The following BRD4 variants were observed in gnomAD, a reference collection of about 807,000 sequenced individuals.
BRD4 encodes bromodomain containing 4, also known as bromodomain-containing protein 4.
BRD4 carries 16 observed loss-of-function variants against 142.1 expected under a neutral mutation model. The observed-to-expected ratio is 0.11, with a 90% CI of 0.08 to 0.17. BRD4 has a LOEUF of 0.17. Among genes scored for constraint, BRD4 ranks in the 10% least tolerant of loss-of-function variants. The pLI is 1.00. For missense variants in BRD4, 1,424 were observed against 1,810.9 expected (o/e 0.79, Z 3.88); for synonymous variants, 833 against 707.5 (o/e 1.18, Z -2.82).
intron 1 of BRD4, among the ~76,000 whole-genome samples, chr19:15,277,776 C>A (rs2047663298): frequency 6.6e-6 from 1 of 151,222 alleles, no homozygotes; most frequent in Non-Finnish European, 1.5e-5. Flanking sequence ...GGCAACACAG[C>A]AAGACTCCGT....
At chr19:15,251,791 TCACTCAGTG>T (rs1341943633) in intron 11 of BRD4, among the ~76,000 whole-genome samples, 3 of 152,070 alleles carry the variant, frequency 2.0e-5, no homozygotes, top group Non-Finnish European at 2.9e-5. Context: ...ACGACAGAGC[TCACTCAGTG>T]CACACAGAAG....
At position 15,237,499 on chromosome 19, in the gene BRD4, C is replaced by T. The variant is rs199726418; in HGVS notation, c.*878G>A. 2.2e-5 allele frequency: 5 copies of T among 225,838 alleles called. No individual in the cohort carries two copies. Among genetic ancestry groups the T allele is most frequent in the African/African-American group, 6.7e-5 (3 of 44,676 alleles). The allele number at this position is 225,838 out of a possible 1,614,324, so 14.0% of individuals were successfully genotyped here. ...AGCCACGGTCACACACTACCCACAG[C>T]GCGGTGGCAGCCGCTGCTCAATGAG... On this transcript the variant is annotated 3_prime_UTR_variant, in exon 20 of 20. Coordinates refer to ENST00000679869, the MANE Select transcript of BRD4 (RefSeq NM_001379291.1).
intron 11 of BRD4, among the ~76,000 whole-genome samples, chr19:15,251,657 T>C (rs1411385480): frequency 2.0e-5 from 3 of 152,174 alleles, no homozygotes; most frequent in Non-Finnish European, 4.4e-5. Flanking sequence ...TGCAGAGTCC[T>C]GTGCGGGACA....
chr19:15,272,743 C>A lies in BRD4; in HGVS notation c.285+72G>T. On this transcript the variant is annotated intron_variant, in intron 2 of 19. Transcript: ENST00000679869. ...GCATCTCCTACCCTCCCCCCAGGAA[C>A]TGCCCTGACCAGGAGACATGCAGGA... 7 of 1,447,776 alleles carry A rather than the reference C, an allele frequency of 4.8e-6. No individual in the cohort carries two copies. In the South Asian group the frequency reaches 7.7e-5, roughly 16 times the overall value. 89.7% of individuals were successfully genotyped at this position (1,447,776 alleles called of 1,614,324 possible). A position where few individuals can be genotyped will look rare whatever the true frequency, so the allele number is the denominator to read the frequency against.
At chr19:15,287,008 A>T (rs1388457184) in intron 1 of BRD4, among the ~76,000 whole-genome samples, 1 of 152,194 alleles carries the variant, frequency 6.6e-6, no homozygotes, top group East Asian at 1.9e-4. Flanking sequence ...GACCCCAGTC[A>T]GTTTCCACAC....
chr19:15,243,148 G>GGCTGCTGCTGCAGCT lies in BRD4; in HGVS notation c.2906_2920dup (p.Gln969_Gln973dup). ...GGGCTGGGGTGGTGGGGGTGGTGGC[G>GGCTGCTGCTGCAGCT]GCTGCTGCTGCAGCTGCTGCTGCAC... On this transcript the variant is annotated inframe_insertion, in exon 14 of 20. Coordinates refer to ENST00000679869, the MANE Select transcript of BRD4 (RefSeq NM_001379291.1). The GGCTGCTGCTGCAGCT allele has an allele frequency of 8.9e-7, 1 of 1,117,954 alleles. No homozygotes were observed. The allele number at this position is 1,117,954 out of a possible 1,614,324, so 69.3% of individuals were successfully genotyped here. A position where few individuals can be genotyped will look rare whatever the true frequency, so the allele number is the denominator to read the frequency against.
intron 1 of BRD4, among the ~76,000 whole-genome samples, chr19:15,313,600 C>T (rs535021917): frequency 2.0e-5 from 3 of 151,242 alleles, no homozygotes; most frequent in South Asian, 4.2e-4. Flanking sequence ...TGCTTGAACC[C>T]GGCAGGCGGA....
At position 15,242,884 on chromosome 19, in the gene BRD4, G is replaced by A. The variant is rs1281548000; in HGVS notation, c.3169+16C>T. On this transcript the variant is annotated intron_variant, in intron 14 of 19. Coordinates refer to ENST00000679869, the MANE Select transcript of BRD4 (RefSeq NM_001379291.1). The stretch of plus-strand genomic sequence containing the variant: ...AGCACCAGCCTCCCCAGAGTCTACG[G>A]GTGAGGACCACTTACCGGTTGAGTA... 7.5e-6 allele frequency: 12 copies of A among 1,599,180 alleles called. No homozygotes were observed. Among genetic ancestry groups the A allele is most frequent in the Non-Finnish European group, 9.4e-6 (11 of 1,173,464 alleles).
At chr19:15,303,389 ATT>A (rs1196694305) in intron 1 of BRD4, among the ~76,000 whole-genome samples, 1 of 152,054 alleles carries the variant, frequency 6.6e-6, no homozygotes, top group Non-Finnish European at 1.5e-5. Flanking sequence ...TAGTAAAACT[ATT>A]TGCCTATGCG....
At chr19:15,289,339 G>A (rs1447947295) in intron 1 of BRD4, among the ~76,000 whole-genome samples, 2 of 152,180 alleles carry the variant, frequency 1.3e-5, no homozygotes, top group African/African-American at 4.8e-5. Context: ...ATCACCTGAG[G>A]TCAGGAGTTC....
intron 1 of BRD4, among the ~76,000 whole-genome samples, chr19:15,290,642 A>G (rs1007120201): frequency 7.2e-5 from 11 of 152,208 alleles, no homozygotes; most frequent in African/African-American, 2.7e-4. Context: ...AAGATGCTCT[A>G]GGCAAACAGC....
At position 15,296,829 on chromosome 19, in the gene BRD4, T is replaced by C. The variant is rs79223625; in HGVS notation, c.-34-23696A>G. 8.0e-4 allele frequency among the ~76,000 whole-genome samples: 122 copies of C among 152,332 alleles called. 2 individuals are homozygous for C. In the East Asian group the frequency reaches 0.022, roughly 27 times the overall value. On this transcript the variant is annotated intron_variant, in intron 1 of 19. Coordinates refer to ENST00000679869, the MANE Select transcript of BRD4 (RefSeq NM_001379291.1). ...ACAAAGGAGTTGTGTTGACAGAGAC[T>C]TCTCTAATCTGAAGAGCAACTGTTT...
chr19:15,277,698 G>A (rs903399724), intron 1 of BRD4, among the ~76,000 whole-genome samples: 14 of 151,916 alleles, frequency 9.2e-5, no homozygotes, highest in African/African-American at 3.4e-4. Context: ...GCTGAGGCAG[G>A]AGAATTACTT....
At chr19:15,286,498 A>G (rs2047741194) in intron 1 of BRD4, among the ~76,000 whole-genome samples, 1 of 152,226 alleles carries the variant, frequency 6.6e-6, no homozygotes, top group South Asian at 2.1e-4. Context: ...GTGGCTACTC[A>G]TGCCATTTTA....
chr19:15,265,577 T>G lies in BRD4; in HGVS notation c.626A>C (p.Gln209Pro). ...AGGAGGAGGATTCGGCTGAGGGGTC[T>G]GGGTCTGCGGAGGAGTCGATGCTTG... ...TTQASTPPQT[Q>P]TPQPNPPPVQ... Residue 209 changes from glutamine (Q) to proline (P), a missense_variant, in exon 5 of 20, where the codon CAG becomes CCG. By Grantham distance (76) the Gln-to-Pro change is moderately conservative (BLOSUM62 -1). Around this residue, in one of 16 missense-constraint regions of BRD4, gnomAD observed 140 missense variants for 131.7 expected, o/e 1.06. Coordinates refer to ENST00000679869, the MANE Select transcript of BRD4 (RefSeq NM_001379291.1). 6.2e-7 allele frequency: 1 copy of G among 1,614,082 alleles called. No individual in the cohort carries two copies. Among genetic ancestry groups the G allele is most frequent in the South Asian group, 1.1e-5 (1 of 91,082 alleles).
chr19:15,311,298 A>G (rs1599516998), intron 1 of BRD4, among the ~76,000 whole-genome samples: 1 of 151,988 alleles, frequency 6.6e-6, no homozygotes, highest in Non-Finnish European at 1.5e-5. Flanking sequence ...TCTCAAAAAA[A>G]AACAAAAAAA....
chr19:15,295,887 C>A (rs2047818827), intron 1 of BRD4, among the ~76,000 whole-genome samples: 1 of 152,222 alleles, frequency 6.6e-6, no homozygotes, highest in South Asian at 2.1e-4. Context: ...AGGAGAACTG[C>A]TTGAACCCGG....
At chr19:15,244,122 C>A (rs1380516537) in intron 13 of BRD4, 109 bp downstream of exon 13, 2 of 1,526,572 alleles carry the variant, frequency 1.3e-6, no homozygotes, top group African/African-American at 1.4e-5. Flanking sequence ...CCTCTAGAGA[C>A]CAGAGCAGCT....
At chr19:15,264,840 A>G in intron 5 of BRD4, 74 bp from the exon 6 acceptor site, 1 of 1,535,628 alleles carries the variant, frequency 6.5e-7, no homozygotes, top group South Asian at 1.3e-5. Context: ...GGTCACCCCC[A>G]AAGCCAGGCC....
Sources: gnomAD v4.1 joint callset for allele counts (sites outside exome capture counted in the v4.1 genomes callset) on GRCh38, gnomAD v4.1.1 for gene constraint, gnomAD v4.1.1 regional missense constraint, MANE v1.5 for transcripts, NCBI Gene and HGNC (gene_info 2026-07-23, HGNC 2026-07-21) for gene names.